CPLX2: variants seen among roughly 807,000 people sequenced by gnomAD.
CPLX2 encodes the protein complexin-2.
Under a neutral mutation model 16.3 loss-of-function variants are expected in CPLX2, and 5 were observed. That is an observed-to-expected ratio of 0.31 (90% CI 0.16 to 0.64). The LOEUF (loss-of-function observed/expected upper bound fraction) is 0.64, where lower values mean the gene tolerates loss of function less well. Among genes scored for constraint, CPLX2 ranks in the 30% least tolerant of loss-of-function variants. The probability of loss-of-function intolerance (pLI) is 0.79; values close to 1 mark genes in which losing one functional copy is unlikely to be tolerated. For missense variants in CPLX2, 144 were observed against 181.4 expected (o/e 0.79, Z 1.18); for synonymous variants, 89 against 73.2 (o/e 1.22, Z -1.10).
upstream of CPLX2, among the ~76,000 whole-genome samples, chr5:175,867,645 C>T (rs907454439): frequency 1.3e-5 from 2 of 152,146 alleles, no homozygotes; most frequent in African/African-American, 4.8e-5. Flanking sequence ...ACCAACAACA[C>T]GCTGACATAG....
At chr5:175,842,633 C>A (rs138557058) in intron 2 of CPLX2, among the ~76,000 whole-genome samples, 1 of 152,334 alleles carries the variant, frequency 6.6e-6, no homozygotes, top group Non-Finnish European at 1.5e-5. Context: ...TCCAGGGTTC[C>A]CCTAATCCTC....
At chr5:175,847,735 A>G (rs884909) in intron 2 of CPLX2, among the ~76,000 whole-genome samples, 10,453 of 152,210 alleles carry the variant, frequency 0.069, 1,192 homozygotes, top group African/African-American at 0.24. Context: ...GCTCCACTAC[A>G]TGGTGCCAGT....
At chr5:175,851,957 C>T (rs574349179) in intron 2 of CPLX2, among the ~76,000 whole-genome samples, 11 of 152,344 alleles carry the variant, frequency 7.2e-5, no homozygotes, top group African/African-American at 2.2e-4. Context: ...GCCCCTGGGA[C>T]GGGCTATTTC....
chr5:175,851,455 G>T (rs1284366821), intron 2 of CPLX2, among the ~76,000 whole-genome samples: 2 of 152,180 alleles, frequency 1.3e-5, no homozygotes, highest in African/African-American at 4.8e-5. Flanking sequence ...GCTGAAAAGG[G>T]TGTGGAGAAG....
chr5:175,829,661 C>A (rs1213076392), intron 2 of CPLX2, among the ~76,000 whole-genome samples: 1 of 152,218 alleles, frequency 6.6e-6, no homozygotes, highest in Non-Finnish European at 1.5e-5. Context: ...CACACAGAGT[C>A]ACAAAGCATC....
At chr5:175,816,618 C>T (rs959553077) in intron 2 of CPLX2, among the ~76,000 whole-genome samples, 6 of 152,198 alleles carry the variant, frequency 3.9e-5, no homozygotes, top group African/African-American at 1.4e-4. Context: ...CCTGACCTGC[C>T]GCTGGCAGTG....
At chr5:175,816,207 C>A (rs528159391) in intron 2 of CPLX2, among the ~76,000 whole-genome samples, 10 of 151,734 alleles carry the variant, frequency 6.6e-5, no homozygotes, top group Non-Finnish European at 7.4e-5. Flanking sequence ...CTCACTCTGT[C>A]GCCAGGCTGG....
chr5:175,847,248 G>T (rs1196882564), intron 2 of CPLX2, among the ~76,000 whole-genome samples: 3 of 152,198 alleles, frequency 2.0e-5, no homozygotes, highest in Non-Finnish European at 2.9e-5. Flanking sequence ...TTGAGTTGGA[G>T]GAGCCGCGTG....
intron 2 of CPLX2, among the ~76,000 whole-genome samples, chr5:175,850,323 GGCT>G (rs1759127556): frequency 6.6e-6 from 1 of 152,212 alleles, no homozygotes; most frequent in Non-Finnish European, 1.5e-5. Context: ...AGGAAGGGCT[GGCT>G]GTATGGAAAA....
In CPLX2 at chr5:175,880,216, T is replaced by A; in HGVS notation, c.*171T>A. 1.4e-6 allele frequency: 1 copy of A among 735,168 alleles called. No homozygotes were observed. The allele number at this position is 735,168 out of a possible 1,614,324, so 45.5% of individuals were successfully genotyped here. A position where few individuals can be genotyped will look rare whatever the true frequency, so the allele number is the denominator to read the frequency against. ...CAGCTCTCCCTCACACCTCCCTTCA[T>A]CCCAGGGTATCCACCTGCACCCCAC... On this transcript the variant is annotated 3_prime_UTR_variant, in exon 4 of 4. Transcript: ENST00000393745.
chr5:175,882,049 C>G lies in CPLX2; in HGVS notation c.*2004C>G, dbSNP rs1215460618. On this transcript the variant is annotated 3_prime_UTR_variant, in exon 4 of 4. Coordinates refer to ENST00000393745, the MANE Select transcript of CPLX2 (RefSeq NM_001008220.2). ...ATGTTTAGGGAACCAGAAAAGTCCC[C>G]TGGTCTGTCCCTTCTTTGGGGAGCA... 2 of 152,658 alleles carry G rather than the reference C, an allele frequency of 1.3e-5. No individual in the cohort carries two copies. The highest frequency in any genetic ancestry group is 2.9e-5 in the Non-Finnish European group (2 of 68,050). The allele number at this position is 152,658 out of a possible 1,614,324, so 9.5% of individuals were successfully genotyped here. A position where few individuals can be genotyped will look rare whatever the true frequency, so the allele number is the denominator to read the frequency against.
At chr5:175,799,991 C>CT (rs1163916374) in intron 1 of CPLX2, among the ~76,000 whole-genome samples, 7 of 152,174 alleles carry the variant, frequency 4.6e-5, no homozygotes, top group African/African-American at 1.7e-4. Context: ...CCCTGCTTTT[C>CT]TTAACCAGAT....
At chr5:175,866,774 C>G (rs1452076507), upstream of CPLX2, among the ~76,000 whole-genome samples, 1 of 152,154 alleles carries the variant, frequency 6.6e-6, no homozygotes, top group East Asian at 1.9e-4. Flanking sequence ...TACCCTCTTT[C>G]TGAGAAAAGT....
intron 2 of CPLX2, among the ~76,000 whole-genome samples, chr5:175,826,398 T>C (rs930566121): frequency 1.3e-5 from 2 of 152,124 alleles, no homozygotes; most frequent in Non-Finnish European, 2.9e-5. Context: ...CCTTGAATGC[T>C]ATTCCCAGTG....
intron 1 of CPLX2, among the ~76,000 whole-genome samples, chr5:175,799,476 G>A (rs1758047215): frequency 6.7e-6 from 1 of 148,354 alleles, no homozygotes; most frequent in African/African-American, 2.5e-5. Flanking sequence ...ACCCTTCTTT[G>A]TTCTCAAGAA....
At chr5:175,856,911 G>C (rs1485399286) in intron 2 of CPLX2, among the ~76,000 whole-genome samples, 1 of 152,140 alleles carries the variant, frequency 6.6e-6, no homozygotes, top group Non-Finnish European at 1.5e-5. Flanking sequence ...GAACTTGCCT[G>C]GATCCTTCAC....
chr5:175,818,098 G>T (rs1336138041), intron 2 of CPLX2, among the ~76,000 whole-genome samples: 1 of 152,206 alleles, frequency 6.6e-6, no homozygotes, highest in Non-Finnish European at 1.5e-5. Context: ...GGGCAGGCAT[G>T]TAGATGATAA....
upstream of CPLX2, among the ~76,000 whole-genome samples, chr5:175,868,546 A>T (rs1759520224): frequency 6.6e-6 from 1 of 151,958 alleles, no homozygotes; most frequent in Admixed American, 6.6e-5. Context: ...TTACCAGGTG[A>T]CTCTTAGAAG....
At chr5:175,856,863 AG>A (rs1394576583) in intron 2 of CPLX2, among the ~76,000 whole-genome samples, 1 of 152,178 alleles carries the variant, frequency 6.6e-6, no homozygotes, top group African/African-American at 2.4e-5. Context: ...AGCCTGACCC[AG>A]GGACTGTGGG....
Sources: allele counts gnomAD v4.1 joint callset (sites outside exome capture counted in the v4.1 genomes callset), GRCh38; gene constraint gnomAD v4.1.1; transcripts MANE v1.5; gene names NCBI Gene and HGNC (gene_info 2026-07-23, HGNC 2026-07-21).